Variants in ATP10D observed in about 807,000 individuals in gnomAD.
ATP10D encodes the protein phospholipid-transporting ATPase VD.
A neutral mutation model predicts 144.8 loss-of-function variants in ATP10D; 89 were observed. The observed-to-expected ratio is 0.61, with a 90% CI of 0.52 to 0.73. The LOEUF (loss-of-function observed/expected upper bound fraction) is 0.73, where lower values mean the gene tolerates loss of function less well. Ranked by LOEUF, ATP10D falls within the 30% of genes least tolerant of loss-of-function variation. The pLI is 0.00. For missense variants in ATP10D, 1,603 were observed against 1,714.8 expected, an observed-to-expected ratio of 0.93 and a Z score of 1.15; for synonymous variants, 571 against 615.1, an observed-to-expected ratio of 0.93 and a Z score of 1.06.
In ATP10D at chr4:47,587,115, T is replaced by C; in HGVS notation, c.3850T>C (p.Ser1284Pro). ...CATGTGTGTAACTTGCAACCCACCA[T>C]CCAACCCTTACTGGATTATGCAGGA... ...GAMCVTCNPP[S>P]NPYWIMQEHM... The change falls in exon 22 of 23, where the codon TCC becomes CCC. Residue 1284 changes from serine (S) to proline (P), a missense_variant. Ser to Pro is a moderately conservative substitution (Grantham distance 74, BLOSUM62 -1). Transcript: ENST00000273859. The C allele has an allele frequency of 1.2e-6, 2 of 1,614,110 alleles. No homozygotes were observed. Among genetic ancestry groups the C allele is most frequent in the Non-Finnish European group, 1.7e-6 (2 of 1,179,960 alleles).
chr4:47,494,832 A>G (rs6447559), intron 1 of ATP10D, among the ~76,000 whole-genome samples: 149,805 of 152,316 alleles, frequency 0.98, 73,719 homozygotes, highest in East Asian at 1. Flanking sequence ...AAGTATAGGC[A>G]TAAAAATGTT....
At chr4:47,576,735 T>C (rs375554423) in intron 18 of ATP10D, 38 bp from the exon 19 acceptor site, 42 of 1,579,436 alleles carry the variant, frequency 2.7e-5, no homozygotes, top group South Asian at 1.3e-4. Context: ...CACACATTAC[T>C]GATTCTAAGA....
At chr4:47,565,121 G>A (rs1423046733) in intron 15 of ATP10D, among the ~76,000 whole-genome samples, 4 of 152,104 alleles carry the variant, frequency 2.6e-5, no homozygotes, top group Non-Finnish European at 5.9e-5. Flanking sequence ...ACCACGCCCG[G>A]CTAATTTTTT....
chr4:47,540,117 C>A (rs1324373416), intron 9 of ATP10D, among the ~76,000 whole-genome samples: 1 of 152,208 alleles, frequency 6.6e-6, no homozygotes, highest in African/African-American at 2.4e-5. Context: ...CACACACACA[C>A]AAACTAGTGG....
intron 5 of ATP10D, among the ~76,000 whole-genome samples, chr4:47,532,364 C>T (rs749551486): frequency 2.2e-4 from 33 of 152,166 alleles, no homozygotes; most frequent in Non-Finnish European, 4.3e-4. Flanking sequence ...GTGATGGCTC[C>T]TCTGATATCC....
At chr4:47,523,887 G>C (rs996958556) in intron 4 of ATP10D, among the ~76,000 whole-genome samples, 24 of 152,180 alleles carry the variant, frequency 1.6e-4, no homozygotes, top group African/African-American at 5.8e-4. Flanking sequence ...CCTTTCTCTG[G>C]AAGCATTTGA....
intron 9 of ATP10D, among the ~76,000 whole-genome samples, chr4:47,544,864 C>T (rs1395599881): frequency 1.3e-5 from 2 of 152,158 alleles, no homozygotes; most frequent in African/African-American, 2.4e-5. Flanking sequence ...ACCTATTTAT[C>T]GATGGTCTAT....
intron 1 of ATP10D, among the ~76,000 whole-genome samples, chr4:47,508,062 G>A (rs1428240424): frequency 6.6e-6 from 1 of 152,200 alleles, no homozygotes; most frequent in Non-Finnish European, 1.5e-5. Context: ...ATCTCCAGGG[G>A]AGAGGCTTTG....
chr4:47,546,603 A>AGTG, intron 9 of ATP10D, 21 bp from the exon 10 acceptor site: 4 of 1,602,672 alleles, frequency 2.5e-6, no homozygotes, highest in Non-Finnish European at 3.4e-6. Flanking sequence ...ACATTGACTC[A>AGTG]GTGTGCTTTT....
chr4:47,528,686 T>C (rs1717402527), intron 5 of ATP10D, among the ~76,000 whole-genome samples: 1 of 152,122 alleles, frequency 6.6e-6, no homozygotes, highest in Non-Finnish European at 1.5e-5. Context: ...GTGGGATTGC[T>C]GGGACAAATG....
intron 22 of ATP10D, 60 bp from the exon 23 acceptor site, chr4:47,590,982 G>T (rs1441550479): frequency 2.5e-6 from 3 of 1,180,768 alleles, no homozygotes; most frequent in Middle Eastern, 2.9e-4. Flanking sequence ...TATTTGGGGG[G>T]GGGGGTTCTG....
chr4:47,525,483 G>A, intron 4 of ATP10D, 74 bp from the exon 5 acceptor site: 1 of 1,062,210 alleles, frequency 9.4e-7, no homozygotes, highest in Non-Finnish European at 1.4e-6. Context: ...AAGAATTGAT[G>A]AAAGTGATAA....
At chr4:47,579,710 G>A (rs1720415093) in intron 19 of ATP10D, among the ~76,000 whole-genome samples, 1 of 152,248 alleles carries the variant, frequency 6.6e-6, no homozygotes, top group Non-Finnish European at 1.5e-5. Flanking sequence ...GAACTATTGA[G>A]TGGGCAAACC....
chr4:47,488,109 T>G (rs1714865029), intron 1 of ATP10D, among the ~76,000 whole-genome samples: 2 of 152,108 alleles, frequency 1.3e-5, no homozygotes, highest in African/African-American at 4.8e-5. Flanking sequence ...TTATCTGTAA[T>G]ACAAAAAATG....
intron 22 of ATP10D, among the ~76,000 whole-genome samples, chr4:47,589,341 C>T (rs180742862): frequency 2.4e-4 from 36 of 152,234 alleles, no homozygotes; most frequent in Admixed American, 2.4e-3. Flanking sequence ...TCATAGGAAA[C>T]TAATACAGAT....
In ATP10D at chr4:47,492,387, G is replaced by T. The variant is rs556888929; in HGVS notation, c.-38+6868G>T. ...TCAGTACTTATTCAAATTAAATGTAGTGTGATGTGTAGGTACCATTGAGTA... is the reference window on the plus strand; with the variant it reads ...TCAGTACTTATTCAAATTAAATGTATTGTGATGTGTAGGTACCATTGAGTA... On this transcript the variant is annotated intron_variant, in intron 1 of 22. Transcript: ENST00000273859. Among the ~76,000 whole-genome samples the T allele has an allele frequency of 3.3e-5, 5 of 152,176 alleles. No individual in the cohort carries two copies. The South Asian group carries it at 1.0e-3, about 31-fold the overall frequency.
At chr4:47,536,063 CT>C (rs1181820095) in intron 7 of ATP10D, 30 bp downstream of exon 7, 3 of 1,586,710 alleles carry the variant, frequency 1.9e-6, no homozygotes, top group East Asian at 2.2e-5. Context: ...TTGCTGACAT[CT>C]TTTCAGCAAG....
intron 15 of ATP10D, among the ~76,000 whole-genome samples, chr4:47,567,577 C>G (rs992105097): frequency 6.6e-6 from 1 of 152,166 alleles, no homozygotes; most frequent in African/African-American, 2.4e-5. Context: ...GATTGCGAGG[C>G]ATGTTACTTT....
Position 47,559,021 on chromosome 4 carries a change from G to A in ATP10D, c.2533G>A (p.Ala845Thr), listed in dbSNP as rs760099733. 2.5e-6 allele frequency: 4 copies of A among 1,613,426 alleles called. No individual in the cohort carries two copies. The highest frequency in any genetic ancestry group is 1.7e-4 in the Middle Eastern group (1 of 6,048). ...AKQGLRTLCI[A>T]KKVMSDTEYA... ...ACAAGGCCTTCGTACTTTATGTATA[G>A]CAAAGAAGGTGAGACTGCTTAGTGC... is the stretch of plus-strand genomic sequence containing the variant. The change falls in exon 13 of 23, where the codon GCA becomes ACA. Residue 845 changes from alanine (A) to threonine (T), a missense_variant. Transcript: ENST00000273859.
Sources: gnomAD v4.1 joint callset for allele counts (sites outside exome capture counted in the v4.1 genomes callset) on GRCh38, gnomAD v4.1.1 for gene constraint, MANE v1.5 for transcripts, NCBI Gene and HGNC (gene_info 2026-07-23, HGNC 2026-07-21) for gene names.